CDH13: variants seen among roughly 807,000 people sequenced by gnomAD.
CDH13 encodes cadherin-13.
In CDH13, 24 loss-of-function variants were observed where a neutral mutation model predicts 63.8. The observed-to-expected ratio is 0.38, with a 90% CI of 0.27 to 0.53. The LOEUF (loss-of-function observed/expected upper bound fraction) is 0.53, where lower values mean the gene tolerates loss of function less well. Among genes scored for constraint, CDH13 ranks in the 20% least tolerant of loss-of-function variants. The pLI, the probability that CDH13 is intolerant of heterozygous loss-of-function variation, is 0.85. For missense variants in CDH13, 1,049 were observed against 903.1 expected (o/e 1.16, Z -2.07); for synonymous variants, 503 against 355.3 (o/e 1.42, Z -4.67).
At chr16:83,028,599 C>G (rs1015509545) in intron 2 of CDH13, among the ~76,000 whole-genome samples, 1 of 152,158 alleles carries the variant, frequency 6.6e-6, no homozygotes, top group South Asian at 2.1e-4. Context: ...CTACCCAACC[C>G]TATATATGCT....
intron 6 of CDH13, among the ~76,000 whole-genome samples, chr16:83,363,538 A>G (rs1374973649): frequency 6.6e-6 from 1 of 152,216 alleles, no homozygotes; most frequent in Non-Finnish European, 1.5e-5. Flanking sequence ...TTTGAGAATT[A>G]GTTGGTGGTG....
chr16:83,138,587 C>G (rs780753883), intron 4 of CDH13, among the ~76,000 whole-genome samples: 1 of 152,044 alleles, frequency 6.6e-6, no homozygotes, highest in African/African-American at 2.4e-5. Flanking sequence ...GAAATTGTCA[C>G]AAATAAACTT....
intron 8 of CDH13, among the ~76,000 whole-genome samples, chr16:83,662,776 C>T (rs1455070341): frequency 6.6e-6 from 1 of 152,140 alleles, no homozygotes; most frequent in African/African-American, 2.4e-5. Context: ...TTGTTTTCCC[C>T]AGGGCGCCAT....
rs538944333 is a variant in CDH13 at position 83,032,038 on chromosome 16, C to T, written c.186C>T (p.Asp62=). 2.5e-6 allele frequency: 4 copies of T among 1,602,332 alleles called. No homozygotes were observed. The highest frequency in any genetic ancestry group is 2.3e-5 in the East Asian group (1 of 44,364). ...CCTTCAGTGACTGTAAGGGAAACGA[C>T]AAGCTACGCTATGAGGTCTCGAGCC... ...NLTFSDCKGN[D]KLRYEVSSPY... is the part of the protein sequence containing the mutation. Residue 62 remains aspartate (D), a synonymous_variant, in exon 3 of 14, where the codon GAC becomes GAT. Coordinates refer to ENST00000567109, the MANE Select transcript of CDH13 (RefSeq NM_001257.5).
chr16:82,930,606 C>T (rs972555324), intron 2 of CDH13, among the ~76,000 whole-genome samples: 3 of 152,020 alleles, frequency 2.0e-5, no homozygotes, highest in East Asian at 1.9e-4. Flanking sequence ...AAGAGCTCCC[C>T]GTCAGCTCTC....
intron 7 of CDH13, among the ~76,000 whole-genome samples, chr16:83,515,525 A>G (rs756657964): frequency 2.0e-5 from 3 of 152,248 alleles, no homozygotes; most frequent in Non-Finnish European, 4.4e-5. Context: ...ATTTCCCTTG[A>G]TACAAGCTAG....
rs541230162 is a variant in CDH13 at position 83,096,738 on chromosome 16, C to T, written c.367-28647C>T. On this transcript the variant is annotated intron_variant, in intron 3 of 13. Transcript: ENST00000567109. ...AAGGTAGCCCATGTAACAATACTGT[C>T]GTAATTATGTGCAATATTTTCATTT... 7.2e-5 allele frequency among the ~76,000 whole-genome samples: 11 copies of T among 152,246 alleles called. No homozygotes were observed. The South Asian group carries it at 1.7e-3, about 23-fold the overall frequency.
At chr16:83,150,850 C>G (rs527612468) in intron 4 of CDH13, among the ~76,000 whole-genome samples, 2 of 152,194 alleles carry the variant, frequency 1.3e-5, no homozygotes, top group African/African-American at 2.4e-5. Flanking sequence ...ATGACTGGCC[C>G]TTCCCCTTAA....
intron 6 of CDH13, among the ~76,000 whole-genome samples, chr16:83,434,554 C>T (rs543713725): frequency 2.0e-5 from 3 of 152,112 alleles, no homozygotes; most frequent in Non-Finnish European, 4.4e-5. Flanking sequence ...AGAGTCCCTC[C>T]TCCACTCCCT....
intron 6 of CDH13, among the ~76,000 whole-genome samples, chr16:83,434,658 T>G (rs962596412): frequency 1.3e-5 from 2 of 151,942 alleles, no homozygotes; most frequent in African/African-American, 4.8e-5. Context: ...GCCCTTCCTC[T>G]TATCCCTGTC....
intron 1 of CDH13, among the ~76,000 whole-genome samples, chr16:82,846,668 GT>G (rs2039269938): frequency 6.6e-6 from 1 of 152,154 alleles, no homozygotes; most frequent in Non-Finnish European, 1.5e-5. Flanking sequence ...ATAGGTTGTA[GT>G]TTATTATATG....
intron 7 of CDH13, among the ~76,000 whole-genome samples, chr16:83,559,918 T>C (rs1363680594): frequency 1.3e-5 from 2 of 152,154 alleles, no homozygotes; most frequent in African/African-American, 4.8e-5. Flanking sequence ...AATAAAAGAT[T>C]AAATCAGATC....
At chr16:83,250,500 C>G (rs1393889165) in intron 5 of CDH13, among the ~76,000 whole-genome samples, 1 of 152,122 alleles carries the variant, frequency 6.6e-6, no homozygotes, top group Non-Finnish European at 1.5e-5. Context: ...TCTGCTGAAA[C>G]AGAGCTGACA....
intron 2 of CDH13, among the ~76,000 whole-genome samples, chr16:82,967,660 C>T (rs911203074): frequency 1.8e-5 from 2 of 113,926 alleles, no homozygotes; most frequent in African/African-American, 5.7e-5. Context: ...AGAACAGAGA[C>T]CCCCCCAGCC....
intron 6 of CDH13, among the ~76,000 whole-genome samples, chr16:83,367,992 C>A (rs576446888): frequency 6.6e-6 from 1 of 152,248 alleles, no homozygotes; most frequent in African/African-American, 2.4e-5. Context: ...ACAAGTCTTG[C>A]ATTTATTCTG....
chr16:83,059,502 C>G (rs946261851), intron 3 of CDH13, among the ~76,000 whole-genome samples: 1 of 152,138 alleles, frequency 6.6e-6, no homozygotes, highest in Non-Finnish European at 1.5e-5. Flanking sequence ...GGATGTAACA[C>G]TGGCGCTCGG....
intron 5 of CDH13, among the ~76,000 whole-genome samples, chr16:83,341,781 C>T (rs566648147): frequency 4.3e-4 from 66 of 152,238 alleles, no homozygotes; most frequent in African/African-American, 1.6e-3. Flanking sequence ...TGATCTTATA[C>T]CATTCCCCAC....
intron 2 of CDH13, among the ~76,000 whole-genome samples, chr16:83,024,624 A>G (rs555882977): frequency 3.6e-4 from 55 of 152,308 alleles, no homozygotes; most frequent in Non-Finnish European, 4.9e-4. Context: ...AAAAGTTCCT[A>G]CCTCAAATTG....
At chr16:83,512,010 A>G (rs2074577684) in intron 7 of CDH13, among the ~76,000 whole-genome samples, 2 of 152,110 alleles carry the variant, frequency 1.3e-5, no homozygotes, top group African/African-American at 4.8e-5. Context: ...ATAGCATTAG[A>G]AACTAGCTTT....
Sources: gnomAD v4.1 joint callset for allele counts (sites outside exome capture counted in the v4.1 genomes callset) on GRCh38, gnomAD v4.1.1 for gene constraint, MANE v1.5 for transcripts, NCBI Gene and HGNC (gene_info 2026-07-23, HGNC 2026-07-21) for gene names.